UPP2: variants seen among roughly 807,000 people sequenced by gnomAD.
UPP2 encodes the protein UPase 2.
In UPP2, 23 loss-of-function variants were observed where a neutral mutation model predicts 26.7. The ratio of observed to expected loss-of-function variants is 0.86; its 90% CI spans 0.62 to 1.22. The LOEUF is 1.22. Among genes scored for constraint, UPP2 ranks in the 50% most tolerant of loss-of-function variants. The probability of loss-of-function intolerance (pLI) is 0.00; values close to 1 mark genes in which losing one functional copy is unlikely to be tolerated. For missense variants in UPP2, 387 were observed against 396.7 expected (o/e 0.98, Z 0.21); for synonymous variants, 127 against 141.3 (o/e 0.90, Z 0.72).
At chr2:158,096,170 T>C (rs889476483) in intron 3 of UPP2, among the ~76,000 whole-genome samples, 15 of 152,128 alleles carry the variant, frequency 9.9e-5, no homozygotes, top group Non-Finnish European at 1.9e-4. Flanking sequence ...GAATTTACGC[T>C]TTGGTCACAC....
intron 6 of UPP2, 152 bp from the exon 7 acceptor site, chr2:158,134,596 C>A: frequency 1.1e-6 from 1 of 887,148 alleles, no homozygotes; most frequent in Non-Finnish European, 1.5e-6. Flanking sequence ...ATATTGAAGA[C>A]CAGAAGGTTC....
chr2:158,086,192 T>G (rs937046452), intron 3 of UPP2, among the ~76,000 whole-genome samples: 2 of 152,154 alleles, frequency 1.3e-5, no homozygotes, highest in African/African-American at 4.8e-5. Context: ...ATTATTGTTC[T>G]GTTCAGAGTT....
At chr2:158,045,120 C>T (rs1329341) in intron 3 of UPP2, among the ~76,000 whole-genome samples, 95,212 of 151,644 alleles carry the variant, frequency 0.63, 30,795 homozygotes, top group East Asian at 0.82. Context: ...CCCCTTGTCC[C>T]TTGAGAAAAT....
At chr2:158,019,294 AGTTGGTG>A (rs1683709505) in intron 3 of UPP2, among the ~76,000 whole-genome samples, 1 of 152,124 alleles carries the variant, frequency 6.6e-6, no homozygotes, top group Admixed American at 6.6e-5. Context: ...AAAAGAGGCA[AGTTGGTG>A]GGATATGAAA....
chr2:158,136,020 TG>T lies in UPP2; in HGVS notation c.*1134del, dbSNP rs1451514948. The T allele has an allele frequency of 1.3e-5, 2 of 152,210 alleles. No homozygotes were observed. The highest frequency in any genetic ancestry group is 2.9e-5 in the Non-Finnish European group (2 of 68,062). The allele number at this position is 152,210 out of a possible 1,614,324, so 9.4% of individuals were successfully genotyped here. A position where few individuals can be genotyped will look rare whatever the true frequency, so the allele number is the denominator to read the frequency against. ...TGTCACACATGACCGAATGGAGGCT[TG>T]GGGCAGGAAATAGGTCCTAGGCCGG... On this transcript the variant is annotated 3_prime_UTR_variant, in exon 7 of 7. Transcript: ENST00000005756.
At chr2:158,124,749 G>A (rs1683656624) in intron 6 of UPP2, among the ~76,000 whole-genome samples, 1 of 152,190 alleles carries the variant, frequency 6.6e-6, no homozygotes, top group Non-Finnish European at 1.5e-5. Flanking sequence ...TGTAAATTTG[G>A]TGAGAAAGGC....
Position 158,106,098 on chromosome 2 carries a change from G to C in UPP2, c.63-1G>C, listed in dbSNP as rs1401323579. The stretch of plus-strand genomic sequence containing the variant: ...CTTCTTTGTATAATTTTTTTTTCCA[G>C]AAAAAGGTTTGTTCACGTTAAAAAT... On this transcript the variant is annotated splice_acceptor_variant, in intron 1 of 6. Transcript: ENST00000005756. LOFTEE classifies it high-confidence loss of function. 4 of 1,570,720 alleles carry C rather than the reference G, an allele frequency of 2.5e-6. No individual in the cohort carries two copies. The highest frequency in any genetic ancestry group is 3.4e-6 in the Non-Finnish European group (4 of 1,164,488).
At chr2:158,107,337 G>C (rs1198541207) in intron 2 of UPP2, among the ~76,000 whole-genome samples, 3 of 152,202 alleles carry the variant, frequency 2.0e-5, no homozygotes, top group Non-Finnish European at 4.4e-5. Flanking sequence ...TGCAGATTTA[G>C]CTCTTTTGGA....
chr2:158,029,524 T>C (rs1417414036), intron 3 of UPP2, among the ~76,000 whole-genome samples: 5 of 152,214 alleles, frequency 3.3e-5, no homozygotes, highest in Admixed American at 2.0e-4. Context: ...GCTACAGATT[T>C]ATAATATATA....
intron 3 of UPP2, among the ~76,000 whole-genome samples, chr2:158,064,230 T>C (rs1682398876): frequency 6.6e-6 from 1 of 152,244 alleles, no homozygotes; most frequent in Non-Finnish European, 1.5e-5. Context: ...AAAGTGTTTC[T>C]ATTTCTCCAC....
At chr2:158,125,652 T>TCAAGTGATC (rs1683677858) in intron 6 of UPP2, among the ~76,000 whole-genome samples, 2 of 152,156 alleles carry the variant, frequency 1.3e-5, no homozygotes, top group South Asian at 4.1e-4. Context: ...ACTCCTGACA[T>TCAAGTGATC]CAAGTGATCC....
intron 3 of UPP2, among the ~76,000 whole-genome samples, chr2:158,074,396 A>C (rs558819679): frequency 6.6e-6 from 1 of 152,298 alleles, no homozygotes; most frequent in African/African-American, 2.4e-5. Flanking sequence ...TAAGACATAA[A>C]GAGAAGAAAA....
chr2:158,046,086 G>A (rs1190499620), intron 3 of UPP2, among the ~76,000 whole-genome samples: 1 of 152,206 alleles, frequency 6.6e-6, no homozygotes. Context: ...TAATGCCTAA[G>A]AATGTCAAAA....
upstream of UPP2, among the ~76,000 whole-genome samples, chr2:158,099,299 A>G (rs1171847972): frequency 6.6e-6 from 1 of 152,128 alleles, no homozygotes; most frequent in Non-Finnish European, 1.5e-5. Flanking sequence ...CTCAGAATGG[A>G]TAGCTTAGGA....
intron 3 of UPP2, among the ~76,000 whole-genome samples, chr2:158,090,662 C>T (rs10171454): frequency 0.022 from 3,344 of 152,154 alleles, 123 homozygotes; most frequent in African/African-American, 0.073. Context: ...AAGCATCTGC[C>T]AGCAGCACGG....
At chr2:158,024,256 C>T (rs1683801477) in intron 3 of UPP2, among the ~76,000 whole-genome samples, 2 of 152,112 alleles carry the variant, frequency 1.3e-5, no homozygotes, top group Admixed American at 1.3e-4. Context: ...GGGAGGTTAT[C>T]TCTTCTCCTT....
chr2:158,022,457 CAAAAAAAAA>C (rs11385969), intron 3 of UPP2, among the ~76,000 whole-genome samples: 9 of 87,900 alleles, frequency 1.0e-4, no homozygotes, highest in Non-Finnish European at 2.0e-4. Flanking sequence ...AGACTTGTCT[CAAAAAAAAA>C]AAAAAAAAAA....
chr2:158,019,678 ACACACACAC>A (rs1297688157), intron 3 of UPP2, among the ~76,000 whole-genome samples: 1 of 148,082 alleles, frequency 6.8e-6, no homozygotes, highest in African/African-American at 2.6e-5. Context: ...ACACACACAC[ACACACACAC>A]AAGAAAGACA....
At chr2:158,060,049 C>T (rs75176344) in intron 3 of UPP2, among the ~76,000 whole-genome samples, 2 of 152,036 alleles carry the variant, frequency 1.3e-5, no homozygotes, top group Non-Finnish European at 1.5e-5. Context: ...ATTAAATGCA[C>T]GCTATTTTCA....
Sources: gnomAD v4.1 joint callset for allele counts (sites outside exome capture counted in the v4.1 genomes callset) on GRCh38, gnomAD v4.1.1 for gene constraint, MANE v1.5 for transcripts, NCBI Gene and HGNC (gene_info 2026-07-23, HGNC 2026-07-21) for gene names.